MYRIP: variants seen among roughly 807,000 people sequenced by gnomAD.
MYRIP encodes myosin VIIA and Rab interacting protein, also known as rab effector MyRIP.
In MYRIP, 49 loss-of-function variants were observed where a neutral mutation model predicts 98.0. The ratio of observed to expected loss-of-function variants is 0.50; its 90% CI spans 0.40 to 0.63. MYRIP has a LOEUF of 0.63. Among genes scored for constraint, MYRIP ranks in the 30% least tolerant of loss-of-function variants. The pLI is 0.00. For synonymous variants in MYRIP, 404 were observed against 409.5 expected (o/e 0.99, Z 0.16); for missense variants, 1,004 against 1,058.2 (o/e 0.95, Z 0.71).
At chr3:40,012,212 C>T (rs541401216) in intron 2 of MYRIP, among the ~76,000 whole-genome samples, 1 of 152,166 alleles carries the variant, frequency 6.6e-6, no homozygotes, top group South Asian at 2.1e-4. Flanking sequence ...GTGTAGATGA[C>T]AAGGGCAGCT....
At chr3:40,182,949 G>A (rs1950926594) in intron 9 of MYRIP, among the ~76,000 whole-genome samples, 2 of 152,286 alleles carry the variant, frequency 1.3e-5, no homozygotes, top group South Asian at 4.1e-4. Context: ...TCACACAACA[G>A]TGCAGTACAA....
At chr3:40,111,065 A>C (rs1376475210) in intron 3 of MYRIP, among the ~76,000 whole-genome samples, 1 of 152,190 alleles carries the variant, frequency 6.6e-6, no homozygotes, top group Non-Finnish European at 1.5e-5. Context: ...CTGATGCCTG[A>C]AAATGGCAAA....
At chr3:39,848,423 A>G (rs950589220) in intron 1 of MYRIP, among the ~76,000 whole-genome samples, 30 of 152,182 alleles carry the variant, frequency 2.0e-4, no homozygotes, top group African/African-American at 7.0e-4. Flanking sequence ...CTCATTTTTA[A>G]GAAAGAAAGT....
At chr3:40,169,809 C>A in intron 7 of MYRIP, 141 bp from the exon 8 acceptor site, 1 of 894,892 alleles carries the variant, frequency 1.1e-6, no homozygotes, top group Non-Finnish European at 1.7e-6. Context: ...TCTCATAGCG[C>A]AGATCTGAAA....
At chr3:40,190,659 G>A (rs1288991394) in intron 10 of MYRIP, among the ~76,000 whole-genome samples, 196 bp downstream of exon 10, 1 of 152,190 alleles carries the variant, frequency 6.6e-6, no homozygotes, top group Non-Finnish European at 1.5e-5. Context: ...CTTTGGAGAT[G>A]ACAGCCTAGA....
chr3:40,058,719 G>A (rs1371306772), intron 3 of MYRIP, among the ~76,000 whole-genome samples: 1 of 151,874 alleles, frequency 6.6e-6, no homozygotes, highest in African/African-American at 2.4e-5. Flanking sequence ...TTTTGAACAT[G>A]GTACTTGGGT....
In MYRIP at chr3:40,189,981, T is replaced by C; in HGVS notation, c.1183T>C (p.Ser395Pro). ...GGCATCTGCCTACGATGAGATGGGC[T>C]CCGATAGCGAGGAAGACTTTGACTG... ...SVASAYDEMG[S>P]DSEEDFDWSE... The change falls in exon 10 of 17, where the codon TCC becomes CCC. Residue 395 changes from serine to proline, a missense_variant. Ser to Pro is a moderately conservative substitution (Grantham distance 74, BLOSUM62 -1). Transcript: ENST00000302541. The C allele has an allele frequency of 2.5e-6, 4 of 1,613,988 alleles. No homozygotes were observed. The highest frequency in any genetic ancestry group is 3.4e-6 in the Non-Finnish European group (4 of 1,179,986).
chr3:40,154,504 G>A (rs982657799), intron 4 of MYRIP, among the ~76,000 whole-genome samples: 3 of 152,150 alleles, frequency 2.0e-5, no homozygotes, highest in African/African-American at 7.2e-5. Context: ...AAGGTAACGA[G>A]TGCTCACATG....
chr3:39,811,964 CT>C (rs1262029976), intron 1 of MYRIP, among the ~76,000 whole-genome samples: 1 of 152,172 alleles, frequency 6.6e-6, no homozygotes, highest in Non-Finnish European at 1.5e-5. Context: ...AGGCTTCCCC[CT>C]GATTTTGCCT....
chr3:39,988,069 C>T (rs1220773807), intron 2 of MYRIP, among the ~76,000 whole-genome samples: 1 of 151,920 alleles, frequency 6.6e-6, no homozygotes, highest in Non-Finnish European at 1.5e-5. Context: ...AACAAAAAAC[C>T]AAACACCGCA....
chr3:39,963,829 TATAGTGA>T (rs1945379658), intron 2 of MYRIP, among the ~76,000 whole-genome samples: 1 of 152,196 alleles, frequency 6.6e-6, no homozygotes, highest in Non-Finnish European at 1.5e-5. Flanking sequence ...ATTTTACTAG[TATAGTGA>T]CATATTCATA....
At chr3:40,012,202 G>A (rs1200349373) in intron 2 of MYRIP, among the ~76,000 whole-genome samples, 1 of 152,176 alleles carries the variant, frequency 6.6e-6, no homozygotes, top group African/African-American at 2.4e-5. Context: ...CTTCAATCAA[G>A]TGTAGATGAC....
intron 11 of MYRIP, among the ~76,000 whole-genome samples, chr3:40,224,416 A>C (rs74909199): frequency 5.8e-5 from 2 of 34,378 alleles, no homozygotes; most frequent in Admixed American, 2.7e-4. Context: ...TAAAAAAGCA[A>C]AAAAAAAAAA....
intron 3 of MYRIP, among the ~76,000 whole-genome samples, chr3:40,138,459 C>G (rs1012530280): frequency 2.6e-5 from 4 of 152,092 alleles, no homozygotes; most frequent in African/African-American, 9.7e-5. Flanking sequence ...CTGTTATTTC[C>G]AAAAGATCGT....
At chr3:40,255,387 A>AACAT (rs1205609350) in intron 16 of MYRIP, among the ~76,000 whole-genome samples, 1 of 152,216 alleles carries the variant, frequency 6.6e-6, no homozygotes, top group Non-Finnish European at 1.5e-5. Flanking sequence ...CAACCTCGTG[A>AACAT]ACATACTAAG....
At chr3:40,175,151 AT>A (rs1950723744) in intron 8 of MYRIP, among the ~76,000 whole-genome samples, 1 of 152,190 alleles carries the variant, frequency 6.6e-6, no homozygotes, top group African/African-American at 2.4e-5. Context: ...AAATAAAAAA[AT>A]AAAGATAAAT....
intron 3 of MYRIP, among the ~76,000 whole-genome samples, chr3:40,128,410 G>A (rs1949565722): frequency 6.6e-6 from 1 of 152,154 alleles, no homozygotes; most frequent in African/African-American, 2.4e-5. Flanking sequence ...GGCTGGGCAG[G>A]AAAACCACAA....
intron 8 of MYRIP, chr3:40,174,105 C>T (rs1950691513): frequency 6.6e-6 from 1 of 152,168 alleles, no homozygotes; most frequent in South Asian, 2.1e-4. Context: ...GGGAGAGAAC[C>T]GTGTGGCTGT....
chr3:40,221,917 C>T (rs940661266), intron 11 of MYRIP, among the ~76,000 whole-genome samples: 7 of 152,014 alleles, frequency 4.6e-5, no homozygotes, highest in African/African-American at 7.2e-5. Flanking sequence ...CTTGGAGATA[C>T]GGGGAGATGG....
Sources: allele counts gnomAD v4.1 joint callset (sites outside exome capture counted in the v4.1 genomes callset), GRCh38; gene constraint gnomAD v4.1.1; transcripts MANE v1.5; gene names NCBI Gene and HGNC (gene_info 2026-07-23, HGNC 2026-07-21).